The following DOK6 variants were observed in gnomAD, a reference collection of about 807,000 sequenced individuals.
DOK6 encodes docking protein 6.
A neutral mutation model predicts 44.0 loss-of-function variants in DOK6; 22 were observed. The observed-to-expected ratio is 0.50, with a 90% confidence interval of 0.36 to 0.71. DOK6 has a LOEUF of 0.71. Ranked by LOEUF, DOK6 falls within the 30% of genes least tolerant of loss-of-function variation. The probability of loss-of-function intolerance (pLI) is 0.00; values close to 1 mark genes in which losing one functional copy is unlikely to be tolerated. For missense variants in DOK6, 340 were observed against 416.4 expected (o/e 0.82, Z 1.60); for synonymous variants, 166 against 145.5 (o/e 1.14, Z -1.01).
chr18:69,595,390 C>T (rs527307660), intron 2 of DOK6, among the ~76,000 whole-genome samples: 1 of 152,252 alleles, frequency 6.6e-6, no homozygotes, highest in African/African-American at 2.4e-5. Context: ...AATTGTTGGT[C>T]TTTCTTAAGG....
At chr18:69,753,064 A>T (rs1979236390) in intron 6 of DOK6, among the ~76,000 whole-genome samples, 1 of 152,192 alleles carries the variant, frequency 6.6e-6, no homozygotes, top group African/African-American at 2.4e-5. Flanking sequence ...AGCCAGAGTG[A>T]CACAGGACTC....
intron 5 of DOK6, among the ~76,000 whole-genome samples, chr18:69,699,828 A>T (rs904662091): frequency 1.3e-5 from 2 of 152,164 alleles, no homozygotes; most frequent in African/African-American, 2.4e-5. Flanking sequence ...GGCTTTAAAA[A>T]GGTAGTATAT....
intron 1 of DOK6, among the ~76,000 whole-genome samples, chr18:69,524,043 T>G (rs1214726763): frequency 6.6e-6 from 1 of 152,072 alleles, no homozygotes; most frequent in African/African-American, 2.4e-5. Context: ...TCTAAAACTG[T>G]ACAGGTGCAG....
intron 1 of DOK6, among the ~76,000 whole-genome samples, chr18:69,540,100 C>G (rs1029547956): frequency 1.3e-5 from 2 of 152,086 alleles, no homozygotes; most frequent in Admixed American, 1.3e-4. Context: ...GGGGAAACTG[C>G]CCCCAGGATC....
chr18:69,455,992 GGAT>G (rs1338618774), intron 1 of DOK6, among the ~76,000 whole-genome samples: 1 of 151,878 alleles, frequency 6.6e-6, no homozygotes, highest in Non-Finnish European at 1.5e-5. Context: ...TTTAAAAGAG[GGAT>G]TAAAGACTTC....
At chr18:69,496,461 A>G (rs1435846346) in intron 1 of DOK6, among the ~76,000 whole-genome samples, 1 of 152,250 alleles carries the variant, frequency 6.6e-6, no homozygotes, top group East Asian at 1.9e-4. Context: ...CCGTGGCTCC[A>G]GACAGCCGCT....
At chr18:69,696,186 C>T (rs1986385953) in intron 4 of DOK6, among the ~76,000 whole-genome samples, 1 of 152,120 alleles carries the variant, frequency 6.6e-6, no homozygotes, top group Non-Finnish European at 1.5e-5. Context: ...GATGCTTGTA[C>T]TCTCTCCTTG....
At position 69,548,921 on chromosome 18, in the gene DOK6, G is replaced by T. The variant is rs538037453; in HGVS notation, c.67-15566G>T. 6.6e-5 allele frequency among the ~76,000 whole-genome samples: 10 copies of T among 151,108 alleles called. 1 individual carries two copies. In the South Asian group the frequency reaches 2.1e-3, roughly 32 times the overall value. On this transcript the variant is annotated intron_variant, in intron 1 of 7. Transcript: ENST00000382713. Reference sequence around the variant, plus strand: ...ATCCTGGCTAACATGGTGAAACCCCGTCTCTACTAAAAATACAAAAAAAAT... The same window carrying T: ...ATCCTGGCTAACATGGTGAAACCCCTTCTCTACTAAAAATACAAAAAAAAT...
intron 1 of DOK6, among the ~76,000 whole-genome samples, chr18:69,528,087 C>T (rs1004573605): frequency 1.9e-4 from 27 of 143,728 alleles, no homozygotes; most frequent in Admixed American, 6.6e-4. Context: ...GGCTTGAACC[C>T]GGGAGGTGGA....
intron 3 of DOK6, among the ~76,000 whole-genome samples, chr18:69,635,884 A>G (rs1233556753): frequency 2.6e-5 from 4 of 152,214 alleles, no homozygotes; most frequent in African/African-American, 9.7e-5. Context: ...CAATGCATTT[A>G]TTGCTTTACT....
intron 1 of DOK6, among the ~76,000 whole-genome samples, chr18:69,438,489 G>A (rs1310356632): frequency 6.6e-6 from 1 of 152,126 alleles, no homozygotes; most frequent in Non-Finnish European, 1.5e-5. Flanking sequence ...CTCTGCTGAA[G>A]TCTTGAACTC....
chr18:69,622,899 T>C (rs1430496840), intron 3 of DOK6, among the ~76,000 whole-genome samples: 1 of 152,190 alleles, frequency 6.6e-6, no homozygotes, highest in East Asian at 1.9e-4. Flanking sequence ...CCAATACCAT[T>C]CCTGAATCAC....
rs73970238 is a variant in DOK6 at position 69,717,546 on chromosome 18, G to A, written c.599+18953G>A. Among the ~76,000 whole-genome samples the A allele has an allele frequency of 6.6e-5, 10 of 152,300 alleles. No individual in the cohort carries two copies. The East Asian group carries it at 1.4e-3, about 21-fold the overall frequency. On this transcript the variant is annotated intron_variant, in intron 5 of 7. Transcript: ENST00000382713. ...GTTTGTGACTCTGTTCCCAAGAGGA[G>A]GGAGCATGCCATGGCTCCAGGGGGC...
At chr18:69,817,134 A>G (rs1981423006) in intron 7 of DOK6, among the ~76,000 whole-genome samples, 2 of 152,148 alleles carry the variant, frequency 1.3e-5, no homozygotes, top group African/African-American at 4.8e-5. Context: ...ATGGAGCCCA[A>G]TTCATCCATT....
chr18:69,502,036 T>C (rs1458479765), intron 1 of DOK6, among the ~76,000 whole-genome samples: 3 of 152,042 alleles, frequency 2.0e-5, no homozygotes, highest in African/African-American at 7.2e-5. Context: ...TTCAGAAGAG[T>C]TGCTTTTATT....
intron 1 of DOK6, among the ~76,000 whole-genome samples, chr18:69,520,361 G>A (rs546664852): frequency 6.8e-4 from 104 of 151,838 alleles, no homozygotes; most frequent in African/African-American, 2.4e-3. Flanking sequence ...TCCTCTTTGT[G>A]TGATATTAAA....
At chr18:69,778,977 C>CTATT (rs1387285423) in intron 7 of DOK6, among the ~76,000 whole-genome samples, 1 of 152,068 alleles carries the variant, frequency 6.6e-6, no homozygotes, top group Non-Finnish European at 1.5e-5. Context: ...CACTTCTGCT[C>CTATT]TATTTGAATC....
intron 1 of DOK6, among the ~76,000 whole-genome samples, chr18:69,509,775 A>C (rs1003339764): frequency 6.6e-6 from 1 of 152,164 alleles, no homozygotes; most frequent in African/African-American, 2.4e-5. Context: ...CACATTTAAC[A>C]GCTCTCATTT....
chr18:69,629,412 C>G (rs1984638730), intron 3 of DOK6, among the ~76,000 whole-genome samples: 1 of 152,168 alleles, frequency 6.6e-6, no homozygotes, highest in South Asian at 2.1e-4. Flanking sequence ...ACATGTTGCA[C>G]ATCCCACATA....
Sources: gnomAD v4.1 joint callset for allele counts (sites outside exome capture counted in the v4.1 genomes callset) on GRCh38, gnomAD v4.1.1 for gene constraint, MANE v1.5 for transcripts, NCBI Gene and HGNC (gene_info 2026-07-23, HGNC 2026-07-21) for gene names.